Variants in ACAD9 observed in about 807,000 individuals in gnomAD.
ACAD9 encodes the protein acyl-CoA dehydrogenase family member 9.
A neutral mutation model predicts 70.2 loss-of-function variants in ACAD9; 53 were observed. That is an observed-to-expected ratio of 0.75 (90% CI 0.61 to 0.95). ACAD9 has a LOEUF of 0.95. Ranked by LOEUF, ACAD9 falls within the 40% of genes least tolerant of loss-of-function variation. The probability of loss-of-function intolerance (pLI) is 0.00; values close to 1 mark genes in which losing one functional copy is unlikely to be tolerated. For missense variants in ACAD9, 777 were observed against 802.8 expected (o/e 0.97, Z 0.39); for synonymous variants, 313 against 312.1 (o/e 1.00, Z -0.03).
chr3:128,886,655 C>G (rs986682916), intron 2 of ACAD9, among the ~76,000 whole-genome samples: 1 of 122,654 alleles, frequency 8.2e-6, no homozygotes, highest in African/African-American at 4.0e-5. Flanking sequence ...TTGCGGTGAG[C>G]CGAGATCGCG....
chr3:128,896,380 C>A, intron 4 of ACAD9, 56 bp from the exon 5 acceptor site: 2 of 1,528,914 alleles, frequency 1.3e-6, no homozygotes, highest in South Asian at 1.1e-5. Flanking sequence ...TTCACAAACA[C>A]CTCATGCTCT....
rs1433399118 is a variant in ACAD9, at chr3:128,886,640, G to A, written c.244+1894G>A. The stretch of plus-strand genomic sequence containing the variant: ...GGAGAATCGCTGGAACCTGGGAGGC[G>A]GAGGTTGCGGTGAGCCGAGATCGCG... On this transcript the variant is annotated intron_variant, in intron 2 of 17. Coordinates refer to ENST00000308982, the MANE Select transcript of ACAD9 (RefSeq NM_014049.5). Among the ~76,000 whole-genome samples the A allele has an allele frequency of 6.2e-5, 9 of 145,402 alleles. No individual in the cohort carries two copies. In the East Asian group the frequency reaches 6.5e-4, roughly 10 times the overall value.
intron 2 of ACAD9, among the ~76,000 whole-genome samples, chr3:128,885,419 C>T (rs1559818532): frequency 6.6e-6 from 1 of 152,070 alleles, no homozygotes; most frequent in Non-Finnish European, 1.5e-5. Context: ...TGAGAAAGGG[C>T]CTAGCTCTGT....
At chr3:128,886,941 T>C (rs1392491521) in intron 2 of ACAD9, among the ~76,000 whole-genome samples, 1 of 152,054 alleles carries the variant, frequency 6.6e-6, no homozygotes, top group East Asian at 1.9e-4. Context: ...TGTTTGTTTG[T>C]TTCTGAGACA....
rs1576342968 is a variant in ACAD9, at chr3:128,902,417, C to T, written c.883-136C>T. 2.5e-6 allele frequency: 2 copies of T among 802,544 alleles called. No homozygotes were observed. The highest frequency in any genetic ancestry group is 4.4e-6 in the Non-Finnish European group (2 of 458,760). The allele number at this position is 802,544 out of a possible 1,614,324, so 49.7% of individuals were successfully genotyped here. The stretch of plus-strand genomic sequence containing the variant: ...TAGAGCTGCAACAGTGACTGAACCA[C>T]CTTGTTCTGAGGCATTAGGATGGTG... On this transcript the variant is annotated intron_variant, in intron 8 of 17. Transcript: ENST00000308982. The surrounding 1 kb of genome is among the most constrained non-coding windows in gnomAD (Gnocchi z 4.0).
In ACAD9 at chr3:128,879,671, G is replaced by C. The variant is rs770961168; in HGVS notation, c.-21G>C. 1.6e-5 allele frequency: 26 copies of C among 1,611,860 alleles called. No homozygotes were observed. Among genetic ancestry groups the C allele is most frequent in the Non-Finnish European group, 8.5e-7 (1 of 1,179,832 alleles). ...GCTAAGAAGGGGAGACTGAGGCTGA[G>C]GCTGGGGAACATCGGGCAGCATGAG... On this transcript the variant is annotated 5_prime_UTR_variant, in exon 1 of 18. Coordinates refer to ENST00000308982, the MANE Select transcript of ACAD9 (RefSeq NM_014049.5).
At chr3:128,883,570 C>A (rs565968870) in intron 1 of ACAD9, among the ~76,000 whole-genome samples, 9 of 152,060 alleles carry the variant, frequency 5.9e-5, no homozygotes, top group African/African-American at 1.7e-4. Context: ...GTTGGTCAGG[C>A]TGGTCTCAAA....
chr3:128,884,337 C>T (rs1195602256), intron 1 of ACAD9, among the ~76,000 whole-genome samples: 1 of 152,190 alleles, frequency 6.6e-6, no homozygotes, highest in Non-Finnish European at 1.5e-5. Context: ...ACCAGACCCC[C>T]AGGCTTCTAA....
At chr3:128,910,656 G>C in intron 16 of ACAD9, 85 bp from the exon 17 acceptor site, 2 of 1,456,048 alleles carry the variant, frequency 1.4e-6, no homozygotes, top group South Asian at 2.3e-5. Flanking sequence ...ATGCTACCCA[G>C]TTTGGCTGAT....
At chr3:128,893,870 C>T (rs1453775977) in intron 3 of ACAD9, among the ~76,000 whole-genome samples, 1 of 152,164 alleles carries the variant, frequency 6.6e-6, no homozygotes, top group Non-Finnish European at 1.5e-5. Flanking sequence ...GTCTGGCTGG[C>T]TGTAGAGTGC....
intron 12 of ACAD9, 95 bp from the exon 13 acceptor site, chr3:128,908,090 C>G: frequency 8.4e-7 from 1 of 1,194,106 alleles, no homozygotes; most frequent in African/African-American, 1.5e-5. Flanking sequence ...TGGCAATGGG[C>G]AAGCAGGCAG....
intron 1 of ACAD9, among the ~76,000 whole-genome samples, chr3:128,883,129 C>T (rs1935141983): frequency 6.7e-6 from 1 of 149,470 alleles, no homozygotes; most frequent in Admixed American, 6.7e-5. Context: ...TACTCTGTTG[C>T]CCACCCTGGA....
rs542088761 is a variant in ACAD9, at chr3:128,899,446, A to G, written c.793A>G (p.Ile265Val). 31 of 1,613,996 alleles carry G rather than the reference A, an allele frequency of 1.9e-5. No homozygotes were observed. In the South Asian group the frequency reaches 2.7e-4, roughly 14 times the overall value. ...TNGKPEDKLGIRGSNTCEVHF... is the reference protein window; with the variant it reads ...TNGKPEDKLGVRGSNTCEVHF... ...TGGGAAACCCGAAGATAAATTAGGCATTCGGGGCTCCAACAGTAAGTAGCT... is the reference window on the plus strand; with the variant it reads ...TGGGAAACCCGAAGATAAATTAGGCGTTCGGGGCTCCAACAGTAAGTAGCT... The change falls in exon 7 of 18, where the codon ATT becomes GTT. Residue 265 changes from isoleucine to valine, a missense_variant. Ile to Val is a conservative substitution (Grantham distance 29). Transcript: ENST00000308982.
intron 1 of ACAD9, among the ~76,000 whole-genome samples, chr3:128,882,680 A>G (rs539462623): frequency 1.3e-5 from 2 of 152,180 alleles, no homozygotes; most frequent in African/African-American, 2.4e-5. Flanking sequence ...TGTTTTCCCT[A>G]TCAGCAGTCT....
chr3:128,891,509 T>A (rs1036467004), intron 2 of ACAD9, among the ~76,000 whole-genome samples: 1 of 152,152 alleles, frequency 6.6e-6, no homozygotes, highest in Non-Finnish European at 1.5e-5. Context: ...TAATCCCAGC[T>A]ACTTGGGAGG....
At chr3:128,905,779 T>C (rs1396618795) in intron 11 of ACAD9, among the ~76,000 whole-genome samples, 3 of 152,090 alleles carry the variant, frequency 2.0e-5, no homozygotes, top group African/African-American at 7.2e-5. Flanking sequence ...GCACTTATAG[T>C]GTGCACAGAC....
At position 128,896,987 on chromosome 3, in the gene ACAD9, A is replaced by G. The variant is rs113495301; in HGVS notation, c.554+451A>G. ...CCTGGACCATCCTCCATCCTGCTTC[A>G]CTTTGCATGAGAACCTGGGAACAGT... On this transcript the variant is annotated intron_variant, in intron 5 of 17. Coordinates refer to ENST00000308982, the MANE Select transcript of ACAD9 (RefSeq NM_014049.5). 4.5e-3 allele frequency among the ~76,000 whole-genome samples: 690 copies of G among 152,196 alleles called. 2 individuals carry two copies. Among genetic ancestry groups the G allele is most frequent in the African/African-American group, 0.016 (648 of 41,522 alleles).
rs151199995 is a variant in ACAD9, at chr3:128,911,067, T to G, written c.1765+254T>G. On this transcript the variant is annotated intron_variant, in intron 17 of 17. Transcript: ENST00000308982. The stretch of plus-strand genomic sequence containing the variant: ...TGTGTGTATGTATGTATGTATGTAT[T>G]TATTTCGAGATGGAGTTTCGCTCTT... 4.0e-4 allele frequency among the ~76,000 whole-genome samples: 61 copies of G among 152,260 alleles called. No individual in the cohort carries two copies. The highest frequency in any genetic ancestry group is 3.5e-3 in the East Asian group (18 of 5,184).
At chr3:128,893,506 T>A in intron 2 of ACAD9, 49 bp from the exon 3 acceptor site, 2 of 1,391,346 alleles carry the variant, frequency 1.4e-6, no homozygotes, top group Non-Finnish European at 2.0e-6. Context: ...TACTTATATT[T>A]GTAGAAACAT....
Sources: allele counts gnomAD v4.1 joint callset (sites outside exome capture counted in the v4.1 genomes callset), GRCh38; gene constraint gnomAD v4.1.1; non-coding constraint Gnocchi (gnomAD v3.1); transcripts MANE v1.5; gene names NCBI Gene and HGNC (gene_info 2026-07-23, HGNC 2026-07-21).